STRBP: variants seen among roughly 807,000 people sequenced by gnomAD.
STRBP encodes spermatid perinuclear RNA binding protein.
STRBP carries 13 observed loss-of-function variants against 80.1 expected under a neutral mutation model. The observed-to-expected ratio is 0.16, with a 90% CI of 0.11 to 0.26. The LOEUF is 0.26. STRBP is among the 10% of genes least tolerant of loss of function. The pLI, the probability that STRBP is intolerant of heterozygous loss-of-function variation, is 1.00. For missense variants in STRBP, 485 were observed against 815.2 expected (o/e 0.59, Z 4.93); for synonymous variants, 284 against 291.2 (o/e 0.98, Z 0.25).
chr9:123,168,457 A>AT (rs1317883381), intron 6 of STRBP, among the ~76,000 whole-genome samples: 1 of 152,174 alleles, frequency 6.6e-6, no homozygotes, highest in South Asian at 2.1e-4. Flanking sequence ...CCCAAAAAGC[A>AT]TTTTTTTAAA....
chr9:123,265,181 T>C (rs2041241354), intron 1 of STRBP, among the ~76,000 whole-genome samples: 1 of 152,180 alleles, frequency 6.6e-6, no homozygotes, highest in Non-Finnish European at 1.5e-5. Context: ...TTACGAATCA[T>C]TTGCTTCCAG....
At chr9:123,155,535 C>T (rs931284166) in intron 11 of STRBP, among the ~76,000 whole-genome samples, 2 of 151,574 alleles carry the variant, frequency 1.3e-5, no homozygotes, top group East Asian at 1.9e-4. Flanking sequence ...AATACAAGCA[C>T]GGTAAGGACA....
intron 2 of STRBP, among the ~76,000 whole-genome samples, chr9:123,212,990 A>G (rs940135512): frequency 2.0e-5 from 3 of 152,246 alleles, no homozygotes; most frequent in Non-Finnish European, 4.4e-5. Context: ...AAATAAAAAA[A>G]TAGAACTATG....
At chr9:123,266,073 T>C (rs756415265) in intron 1 of STRBP, among the ~76,000 whole-genome samples, 1 of 152,226 alleles carries the variant, frequency 6.6e-6, no homozygotes, top group Non-Finnish European at 1.5e-5. Flanking sequence ...TCCTCTCTTA[T>C]GCATAGCCCT....
At chr9:123,242,453 G>GT (rs2040714373) in intron 1 of STRBP, among the ~76,000 whole-genome samples, 2 of 152,224 alleles carry the variant, frequency 1.3e-5, no homozygotes, top group South Asian at 4.1e-4. Flanking sequence ...GAGGCCAGGA[G>GT]TTTGAGACCA....
intron 1 of STRBP, among the ~76,000 whole-genome samples, chr9:123,257,614 A>C (rs1290177354): frequency 6.6e-6 from 1 of 152,208 alleles, no homozygotes; most frequent in Non-Finnish European, 1.5e-5. Context: ...CGGCAGTTCA[A>C]GACCAACCTG....
At chr9:123,183,033 A>AAAAAC (rs2038551317) in intron 3 of STRBP, among the ~76,000 whole-genome samples, 1 of 139,858 alleles carries the variant, frequency 7.2e-6, no homozygotes. Context: ...AAAAAAAAAA[A>AAAAAC]AAAAACAAAA....
At chr9:123,198,852 C>G (rs934369084) in intron 2 of STRBP, among the ~76,000 whole-genome samples, 1 of 152,182 alleles carries the variant, frequency 6.6e-6, no homozygotes, top group Non-Finnish European at 1.5e-5. Flanking sequence ...AGTGTCCATT[C>G]CCCAATTTAT....
intron 2 of STRBP, among the ~76,000 whole-genome samples, chr9:123,193,690 A>G (rs753833993): frequency 2.0e-5 from 3 of 151,912 alleles, no homozygotes; most frequent in Non-Finnish European, 4.4e-5. Flanking sequence ...CGCTAATGCT[A>G]CCACTTTTCA....
chr9:123,111,111 C>G (rs1213671576), intron 3 of STRBP: 1 of 167,232 alleles, frequency 6.0e-6, no homozygotes, highest in Admixed American at 6.5e-5. Flanking sequence ...CATGCACCAG[C>G]TGCCATCACT....
intron 2 of STRBP, among the ~76,000 whole-genome samples, chr9:123,193,024 C>G (rs1189521901): frequency 1.3e-5 from 2 of 152,172 alleles, no homozygotes; most frequent in Admixed American, 6.5e-5. Flanking sequence ...GATTCCCTTA[C>G]CTGGACTGCA....
chr9:123,124,495 A>T lies in STRBP; in HGVS notation c.*1102T>A, dbSNP rs1295312497. On this transcript the variant is annotated 3_prime_UTR_variant, in exon 19 of 19. Transcript: ENST00000348403. The stretch of plus-strand genomic sequence containing the variant: ...TGCTGACCCATGGCTGAAACCTGTC[A>T]CTTTTCACAGCAGCACTCAACAAGA... 1.0e-6 allele frequency: 1 copy of T among 985,318 alleles called. No individual in the cohort carries two copies. The highest frequency in any genetic ancestry group is 1.1e-4 in the East Asian group (1 of 8,828). 61.0% of individuals were successfully genotyped at this position (985,318 alleles called of 1,614,324 possible).
chr9:123,261,744 C>T (rs530040219), intron 1 of STRBP, among the ~76,000 whole-genome samples: 20 of 152,176 alleles, frequency 1.3e-4, no homozygotes, highest in Non-Finnish European at 2.8e-4. Context: ...AATATTCACA[C>T]CAAAGTCTTG....
chr9:123,266,082 C>T (rs2041260230), intron 1 of STRBP, among the ~76,000 whole-genome samples: 1 of 152,160 alleles, frequency 6.6e-6, no homozygotes, highest in African/African-American at 2.4e-5. Context: ...ATGCATAGCC[C>T]TTGAATGCTA....
chr9:123,159,060 G>T (rs759022968), intron 9 of STRBP, 36 bp downstream of exon 9: 1 of 1,504,494 alleles, frequency 6.6e-7, no homozygotes, highest in Non-Finnish European at 9.2e-7. Context: ...ACTGAGATTT[G>T]CTGATTGTTC....
intron 6 of STRBP, among the ~76,000 whole-genome samples, chr9:123,163,764 C>T (rs939894539): frequency 5.9e-5 from 9 of 152,226 alleles, no homozygotes; most frequent in Non-Finnish European, 8.8e-5. Context: ...ATGTGGCAAT[C>T]GCAAAGCTGC....
chr9:123,252,184 A>T (rs1420561822), intron 1 of STRBP, among the ~76,000 whole-genome samples: 1 of 152,222 alleles, frequency 6.6e-6, no homozygotes, highest in Non-Finnish European at 1.5e-5. Context: ...TGCTGATTGC[A>T]GGACAGTATA....
Position 123,123,835 on chromosome 9 carries a change from A to G in STRBP, c.*1762T>C. The G allele has an allele frequency of 3.0e-6, 3 of 985,480 alleles. No homozygotes were observed. The highest frequency in any genetic ancestry group is 3.6e-6 in the Non-Finnish European group (3 of 829,934). 61.0% of individuals were successfully genotyped at this position (985,480 alleles called of 1,614,324 possible). On this transcript the variant is annotated 3_prime_UTR_variant, in exon 19 of 19. Transcript: ENST00000348403. Reference sequence around the variant, plus strand: ...ACTATCAGCCATGCTTTTTCTTCTCAGTGATGGCTCTGTTTCATCCATAGG... The same window carrying G: ...ACTATCAGCCATGCTTTTTCTTCTCGGTGATGGCTCTGTTTCATCCATAGG...
At chr9:123,127,969 A>G (rs764221949) in intron 18 of STRBP, among the ~76,000 whole-genome samples, 12 of 152,226 alleles carry the variant, frequency 7.9e-5, no homozygotes, top group Non-Finnish European at 1.2e-4. Flanking sequence ...ATTTAATTTC[A>G]ATATGGTCAG....
Sources: gnomAD v4.1 joint callset for allele counts (sites outside exome capture counted in the v4.1 genomes callset) on GRCh38, gnomAD v4.1.1 for gene constraint, MANE v1.5 for transcripts, NCBI Gene and HGNC (gene_info 2026-07-23, HGNC 2026-07-21) for gene names.